Variants in SNX1 observed in about 807,000 individuals in gnomAD.
The protein encoded by SNX1 is sorting nexin-1.
In SNX1, 36 loss-of-function variants were observed where a neutral mutation model predicts 71.8. The observed-to-expected ratio is 0.50, with a 90% CI of 0.38 to 0.66. The LOEUF (loss-of-function observed/expected upper bound fraction) is 0.66. Ranked by LOEUF, SNX1 falls within the 30% of genes least tolerant of loss-of-function variation. The pLI is 0.00. For synonymous variants in SNX1, 254 were observed against 240.7 expected, an observed-to-expected ratio of 1.06 and a Z score of -0.51; for missense variants, 612 against 646.7, an observed-to-expected ratio of 0.95 and a Z score of 0.58.
At chr15:64,099,064 G>A (rs2080931894) in intron 1 of SNX1, among the ~76,000 whole-genome samples, 1 of 152,164 alleles carries the variant, frequency 6.6e-6, no homozygotes, top group Admixed American at 6.5e-5. Context: ...TCCAATACAT[G>A]CTTTAGTTGT....
At chr15:64,137,429 C>T in intron 14 of SNX1, 139 bp from the exon 15 acceptor site, 2 of 809,732 alleles carry the variant, frequency 2.5e-6, no homozygotes, top group Middle Eastern at 3.3e-4. Flanking sequence ...GGTCATGTGG[C>T]CTGTGCAGCT....
In SNX1 at chr15:64,120,218, T is replaced by C. The variant is rs150017112; in HGVS notation, c.466+1364T>C. ...ATGTAATTCTCAACTCTTGGTCTGT[T>C]TGGTACTAGGGACAGGAACTTGTTA... On this transcript the variant is annotated intron_variant, in intron 4 of 14. Transcript: ENST00000559844. Among the ~76,000 whole-genome samples, 10 of 152,150 alleles carry C rather than the reference T, an allele frequency of 6.6e-5. No individual in the cohort carries two copies. The East Asian group carries it at 1.9e-3, about 29-fold the overall frequency.
chr15:64,125,839 C>G (rs1007131065), intron 5 of SNX1, among the ~76,000 whole-genome samples: 2 of 151,988 alleles, frequency 1.3e-5, no homozygotes, highest in African/African-American at 4.8e-5. Context: ...CTTTATAATC[C>G]TATATATTTT....
Position 64,134,601 on chromosome 15 carries a change from G to C in SNX1, c.1222-63G>C, listed in dbSNP as rs888508906. On this transcript the variant is annotated intron_variant, in intron 11 of 14. Transcript: ENST00000559844. This position sits in a 1 kb window ranked among gnomAD's most constrained non-coding sequence, Gnocchi z 4.1. ...TGCAGCTGCTGGGAGAGCCTGCCTC[G>C]AGGCAGAGCCAGCAGAGCTCTTGAA... 6.5e-7 allele frequency: 1 copy of C among 1,547,878 alleles called. No homozygotes were observed.
intron 4 of SNX1, among the ~76,000 whole-genome samples, chr15:64,119,735 A>C (rs1328150711): frequency 5.5e-5 from 6 of 109,756 alleles, no homozygotes; most frequent in South Asian, 2.5e-4. Context: ...AAAAAAAAAA[A>C]AAACACACAC....
intron 12 of SNX1, among the ~76,000 whole-genome samples, chr15:64,136,067 G>C (rs183426562): frequency 6.7e-4 from 102 of 152,308 alleles, no homozygotes; most frequent in African/African-American, 2.4e-3. Context: ...GAGGCTGCTG[G>C]CATGTCAGAG....
At chr15:64,097,604 T>C (rs1288858228) in intron 1 of SNX1, among the ~76,000 whole-genome samples, 2 of 152,082 alleles carry the variant, frequency 1.3e-5, no homozygotes, top group Non-Finnish European at 2.9e-5. Context: ...CTAATAAGAG[T>C]TAGGTATTAG....
rs2081252354 is a variant in SNX1, at chr15:64,126,326, G to A, written c.652+106G>A. 2.4e-6 allele frequency: 3 copies of A among 1,233,862 alleles called. No homozygotes were observed. The African/African-American group carries it at 4.5e-5, about 19-fold the overall frequency. 76.4% of individuals were successfully genotyped at this position (1,233,862 alleles called of 1,614,324 possible). On this transcript the variant is annotated intron_variant, in intron 6 of 14. Coordinates refer to ENST00000559844, the MANE Select transcript of SNX1 (RefSeq NM_003099.5). ...GACTACTTCTATTAACAGTCTTGTGGTTAGAAAAGAGACATTTCCAGTGTT... is the reference window on the plus strand; with the variant it reads ...GACTACTTCTATTAACAGTCTTGTGATTAGAAAAGAGACATTTCCAGTGTT...
Position 64,137,746 on chromosome 15 carries a change from C to T in SNX1, c.*128C>T, listed in dbSNP as rs990963415. On this transcript the variant is annotated 3_prime_UTR_variant, in exon 15 of 15. Transcript: ENST00000559844. ...CTTAACCCCTTCCTCCCTGTCCCCA[C>T]GACCAACTGTCCCCAGTTACTCTAA... The T allele has an allele frequency of 1.0e-4, 154 of 1,511,908 alleles. No homozygotes were observed. Among genetic ancestry groups the T allele is most frequent in the African/African-American group, 6.9e-5 (5 of 71,952 alleles). The allele number at this position is 1,511,908 out of a possible 1,614,324, so 93.7% of individuals were successfully genotyped here. A position where few individuals can be genotyped will look rare whatever the true frequency, so the allele number is the denominator to read the frequency against.
chr15:64,107,028 G>C (rs1377388342), intron 1 of SNX1, among the ~76,000 whole-genome samples: 1 of 152,206 alleles, frequency 6.6e-6, no homozygotes, highest in Non-Finnish European at 1.5e-5. Context: ...TTCATGCTAA[G>C]TTCTTCCAGG....
At chr15:64,110,971 T>G (rs991140726) in intron 1 of SNX1, among the ~76,000 whole-genome samples, 2 of 152,248 alleles carry the variant, frequency 1.3e-5, no homozygotes, top group African/African-American at 4.8e-5. Flanking sequence ...ATGCCTTTTC[T>G]GTTGTTTTAA....
At chr15:64,103,075 A>G (rs1457806751) in intron 1 of SNX1, among the ~76,000 whole-genome samples, 1 of 152,022 alleles carries the variant, frequency 6.6e-6, no homozygotes, top group African/African-American at 2.4e-5. Context: ...CCTATACCAC[A>G]TATTCTTTAT....
chr15:64,097,235 G>A (rs3884104), intron 1 of SNX1, among the ~76,000 whole-genome samples: 81,809 of 152,180 alleles, frequency 0.54, 27,176 homozygotes, highest in East Asian at 0.81. Context: ...TGTGAGACGT[G>A]GTGGATGGGG....
Position 64,134,865 on chromosome 15 carries a change from G to C in SNX1, c.1365+58G>C. On this transcript the variant is annotated intron_variant, in intron 12 of 14. Transcript: ENST00000559844. The surrounding 1 kb of genome is among the most constrained non-coding windows in gnomAD (Gnocchi z 4.1). ...TTCTGCTGGTTCCAAATGAACCCAG[G>C]GCCCATCCCACCCAGAGGTTTGGAA... 1 of 1,595,650 alleles carries C rather than the reference G, an allele frequency of 6.3e-7. No homozygotes were observed. The highest frequency in any genetic ancestry group is 1.1e-5 in the South Asian group (1 of 88,836).
At chr15:64,118,628 A>G (rs907629982) in intron 3 of SNX1, among the ~76,000 whole-genome samples, 160 bp from the exon 4 acceptor site, 5 of 152,228 alleles carry the variant, frequency 3.3e-5, no homozygotes, top group African/African-American at 1.2e-4. Context: ...CTAATTTAAA[A>G]TTTTGAGAGT....
At chr15:64,102,070 A>AAAATTATAATAAT (rs2080968225) in intron 1 of SNX1, among the ~76,000 whole-genome samples, 1 of 152,234 alleles carries the variant, frequency 6.6e-6, no homozygotes, top group Non-Finnish European at 1.5e-5. Context: ...TGCTTGTTAA[A>AAAATTATAATAAT]GATTTTTTGT....
At chr15:64,110,310 A>G (rs1018084257) in intron 1 of SNX1, among the ~76,000 whole-genome samples, 16 of 152,214 alleles carry the variant, frequency 1.1e-4, no homozygotes, top group Non-Finnish European at 2.4e-4. Flanking sequence ...ATGGAGTCCC[A>G]GAGGATATCT....
At chr15:64,098,128 A>G (rs1007351175) in intron 1 of SNX1, among the ~76,000 whole-genome samples, 2 of 152,208 alleles carry the variant, frequency 1.3e-5, no homozygotes, top group African/African-American at 4.8e-5. Context: ...CCTCCTAAGT[A>G]GCTGGGATTG....
intron 4 of SNX1, 68 bp from the exon 5 acceptor site, chr15:64,123,435 C>A: frequency 1.5e-6 from 2 of 1,359,258 alleles, no homozygotes; most frequent in South Asian, 2.4e-5. Flanking sequence ...GATTCCTGGT[C>A]AAATGTTAGC....
Sources: gnomAD v4.1 joint callset for allele counts (sites outside exome capture counted in the v4.1 genomes callset) on GRCh38, gnomAD v4.1.1 for gene constraint, Gnocchi (gnomAD v3.1) non-coding constraint, MANE v1.5 for transcripts, NCBI Gene and HGNC (gene_info 2026-07-23, HGNC 2026-07-21) for gene names.